The following ABI3BP variants were observed in gnomAD, a reference collection of about 807,000 sequenced individuals.
ABI3BP encodes the protein ABI family member 3 binding protein.
ABI3BP carries 216 observed loss-of-function variants against 268.6 expected under a neutral mutation model. The ratio of observed to expected loss-of-function variants is 0.80; its 90% confidence interval spans 0.72 to 0.90. ABI3BP has a LOEUF of 0.90. Among genes scored for constraint, ABI3BP ranks in the 40% least tolerant of loss-of-function variants. The pLI is 0.00. For synonymous variants in ABI3BP, 730 were observed against 730.0 expected, an observed-to-expected ratio of 1.00 and a Z score of 0.00; for missense variants, 2,090 against 2,182.4, an observed-to-expected ratio of 0.96 and a Z score of 0.84.
At chr3:100,807,500 T>G (rs2097746379) in intron 50 of ABI3BP, among the ~76,000 whole-genome samples, 1 of 151,884 alleles carries the variant, frequency 6.6e-6, no homozygotes, top group Non-Finnish European at 1.5e-5. Flanking sequence ...TAGAAAAAAT[T>G]TAATGATAGG....
chr3:100,908,721 A>C (rs2054746743), intron 2 of ABI3BP, among the ~76,000 whole-genome samples: 2 of 152,224 alleles, frequency 1.3e-5, no homozygotes, highest in East Asian at 3.8e-4. Context: ...GACCTCTTCA[A>C]GGAGAACTAC....
At chr3:100,796,303 C>T (rs1303170104) in intron 52 of ABI3BP, 106 bp downstream of exon 52, 2 of 849,528 alleles carry the variant, frequency 2.4e-6, no homozygotes, top group African/African-American at 3.5e-5. Flanking sequence ...CATATTTTTT[C>T]TCTAAATTTC....
intron 1 of ABI3BP, among the ~76,000 whole-genome samples, chr3:100,985,902 T>G (rs1000673309): frequency 6.6e-6 from 1 of 152,252 alleles, no homozygotes; most frequent in East Asian, 1.9e-4. Context: ...AGATTTCCCA[T>G]ATTCATAGTT....
intron 66 of ABI3BP, 28 bp from the exon 67 acceptor site, chr3:100,751,702 A>C: frequency 6.4e-7 from 1 of 1,562,324 alleles, no homozygotes; most frequent in Non-Finnish European, 8.7e-7. Context: ...AAAAGGATAA[A>C]GTTTACTTTC....
At chr3:100,913,712 T>C (rs2153572428) in intron 2 of ABI3BP, among the ~76,000 whole-genome samples, 1 of 152,304 alleles carries the variant, frequency 6.6e-6, no homozygotes, top group Middle Eastern at 3.4e-3. Flanking sequence ...AATACATCAC[T>C]CAGTAGATTA....
chr3:100,984,294 A>G (rs539189947), intron 1 of ABI3BP, among the ~76,000 whole-genome samples: 4 of 152,348 alleles, frequency 2.6e-5, no homozygotes, highest in South Asian at 4.1e-4. Context: ...TATACATTAT[A>G]GTATTTATAG....
chr3:100,798,611 C>T (rs1560198097), intron 51 of ABI3BP, among the ~76,000 whole-genome samples: 1 of 151,950 alleles, frequency 6.6e-6, no homozygotes, highest in Admixed American at 6.6e-5. Context: ...ACCATTTATA[C>T]TAACCAATCT....
chr3:100,826,978 C>T (rs2098398914), intron 34 of ABI3BP, among the ~76,000 whole-genome samples: 1 of 152,122 alleles, frequency 6.6e-6, no homozygotes, highest in Admixed American at 6.6e-5. Flanking sequence ...TCTGCCCTTT[C>T]TGGTCGCCTC....
At chr3:100,966,954 A>G (rs1490275055) in intron 1 of ABI3BP, among the ~76,000 whole-genome samples, 2 of 151,022 alleles carry the variant, frequency 1.3e-5, no homozygotes, top group African/African-American at 2.4e-5. Context: ...TTTTTTTTTC[A>G]AACTAAAGAT....
intron 6 of ABI3BP, among the ~76,000 whole-genome samples, chr3:100,883,469 C>T (rs770646601): frequency 3.3e-5 from 5 of 151,932 alleles, no homozygotes; most frequent in African/African-American, 7.2e-5. Context: ...ACCCATGAAA[C>T]GCCCAACAAA....
intron 1 of ABI3BP, among the ~76,000 whole-genome samples, chr3:100,962,674 T>G (rs1249527667): frequency 2.0e-5 from 3 of 152,232 alleles, no homozygotes; most frequent in African/African-American, 7.2e-5. Flanking sequence ...TTGACACTTT[T>G]GATCACACCC....
intron 2 of ABI3BP, among the ~76,000 whole-genome samples, chr3:100,910,495 C>CGTTGTG (rs1561553923): frequency 2.6e-5 from 4 of 151,770 alleles, no homozygotes; most frequent in Admixed American, 2.6e-4. Flanking sequence ...TTTCTTTCTA[C>CGTTGTG]ATTGTGAAAA....
rs146433954 is a variant in ABI3BP at position 100,824,468 on chromosome 3, T to TA, written c.2746+389dup. Among the ~76,000 whole-genome samples the TA allele has an allele frequency of 7.2e-5, 11 of 152,300 alleles. No individual in the cohort carries two copies. In the East Asian group the frequency reaches 2.1e-3, roughly 29 times the overall value. On this transcript the variant is annotated intron_variant, in intron 36 of 67. Transcript: ENST00000471714. ...GCTTTCTGCAGTAAAATAACTCTCC[T>TA]AAAGCTGACATATCACCCATGGTTG...
chr3:100,754,156 C>T (rs889526378), intron 64 of ABI3BP, among the ~76,000 whole-genome samples: 2 of 152,172 alleles, frequency 1.3e-5, no homozygotes, highest in Non-Finnish European at 2.9e-5. Context: ...AGAAAAACTT[C>T]ATGGTAAAAA....
chr3:100,839,058 C>A (rs896286245), intron 24 of ABI3BP, among the ~76,000 whole-genome samples: 1 of 152,192 alleles, frequency 6.6e-6, no homozygotes, highest in African/African-American at 2.4e-5. Context: ...ACATTGGATT[C>A]TAGATCAAGA....
intron 64 of ABI3BP, 39 bp downstream of exon 64, chr3:100,754,573 T>C (rs1367081337): frequency 3.3e-6 from 5 of 1,533,324 alleles, no homozygotes; most frequent in Non-Finnish European, 4.4e-6. Context: ...ACTGTGGCCC[T>C]TTTACATCCT....
chr3:100,969,979 G>C (rs2082869556), intron 1 of ABI3BP, among the ~76,000 whole-genome samples: 1 of 152,092 alleles, frequency 6.6e-6, no homozygotes, highest in African/African-American at 2.4e-5. Flanking sequence ...ATGTTACATA[G>C]GAGTTACAGC....
intron 1 of ABI3BP, among the ~76,000 whole-genome samples, chr3:100,992,572 G>A (rs1027554933): frequency 6.6e-6 from 1 of 152,210 alleles, no homozygotes; most frequent in African/African-American, 2.4e-5. Flanking sequence ...AAAAGTACAT[G>A]CAACATTTAT....
chr3:100,804,919 A>G (rs777425101), intron 50 of ABI3BP, 53 bp from the exon 51 acceptor site: 68 of 1,449,904 alleles, frequency 4.7e-5, no homozygotes, highest in Non-Finnish European at 6.4e-5. Context: ...TCTTCCAGTC[A>G]TGCTTAAAAC....
Sources: gnomAD v4.1 joint callset for allele counts (sites outside exome capture counted in the v4.1 genomes callset) on GRCh38, gnomAD v4.1.1 for gene constraint, MANE v1.5 for transcripts, NCBI Gene and HGNC (gene_info 2026-07-23, HGNC 2026-07-21) for gene names.